OBI1: variants seen among roughly 807,000 people sequenced by gnomAD.
The protein encoded by OBI1 is ORC ubiquitin ligase 1, also known as ring finger protein 219.
OBI1 carries 59 observed loss-of-function variants against 62.4 expected under a neutral mutation model. The observed-to-expected ratio is 0.95, with a 90% CI of 0.77 to 1.17. The LOEUF (loss-of-function observed/expected upper bound fraction) is 1.17. OBI1 is among the 50% of genes most tolerant of loss of function. The probability of loss-of-function intolerance (pLI) is 0.00; values close to 1 mark genes in which losing one functional copy is unlikely to be tolerated. For synonymous variants in OBI1, 302 were observed against 292.8 expected (o/e 1.03, Z -0.32); for missense variants, 875 against 830.9 (o/e 1.05, Z -0.65).
intron 5 of OBI1, among the ~76,000 whole-genome samples, chr13:78,633,412 G>C (rs2137444879): frequency 6.6e-6 from 1 of 152,240 alleles, no homozygotes; most frequent in African/African-American, 2.4e-5. Context: ...GTTTTACCAA[G>C]GGCAACATTT....
At chr13:78,637,908 G>A (rs931624108) in intron 4 of OBI1, among the ~76,000 whole-genome samples, 1 of 152,122 alleles carries the variant, frequency 6.6e-6, no homozygotes, top group African/African-American at 2.4e-5. Context: ...TTAACCTGAG[G>A]ACCTGAGAGC....
intron 1 of OBI1, among the ~76,000 whole-genome samples, chr13:78,658,647 G>A (rs946768712): frequency 1.4e-4 from 22 of 152,210 alleles, no homozygotes; most frequent in Admixed American, 4.6e-4. Context: ...GAAGCCCGAG[G>A]TGAGGCTCCC....
At chr13:78,621,933 G>A (rs1365170953) in intron 5 of OBI1, among the ~76,000 whole-genome samples, 3 of 152,106 alleles carry the variant, frequency 2.0e-5, no homozygotes, top group Non-Finnish European at 4.4e-5. Context: ...TATATGAGAA[G>A]GGAAGCACTA....
chr13:78,632,177 G>A (rs1875871944), intron 5 of OBI1, among the ~76,000 whole-genome samples: 1 of 152,038 alleles, frequency 6.6e-6, no homozygotes. Context: ...GTCATTAGGT[G>A]TTCCTTTAAG....
intron 1 of OBI1, among the ~76,000 whole-genome samples, chr13:78,649,667 A>T (rs1390744109): frequency 6.6e-6 from 1 of 152,218 alleles, no homozygotes; most frequent in East Asian, 1.9e-4. Flanking sequence ...TTAGTGATGG[A>T]TGAAGAGTGA....
At chr13:78,659,148 GAAGTCCCGCCGACCTACCGCT>G in exon 1 of OBI1, 1 of 1,604,608 alleles carries the variant, frequency 6.2e-7, no homozygotes, top group Non-Finnish European at 8.5e-7. Flanking sequence ...CGCCAACACG[GAAGTCCCGCCGACCTACCGCT>G]ACTCTTCGCC....
intron 5 of OBI1, chr13:78,617,443 A>C (rs1875350083): frequency 8.9e-6 from 2 of 225,932 alleles, no homozygotes; most frequent in African/African-American, 4.6e-5. Context: ...TATATGCATG[A>C]AGAGTTATCC....
At chr13:78,635,242 A>G in intron 4 of OBI1, 44 bp from the exon 5 acceptor site, 1 of 1,206,682 alleles carries the variant, frequency 8.3e-7, no homozygotes, top group Non-Finnish European at 1.2e-6. Context: ...GCTACAATAA[A>G]AGTGACTTGT....
chr13:78,617,162 C>CT (rs1201743185), intron 5 of OBI1, 40 bp from the exon 6 acceptor site: 1 of 1,477,450 alleles, frequency 6.8e-7, no homozygotes, highest in Non-Finnish European at 9.1e-7. Flanking sequence ...ATAACTCAAG[C>CT]TTTTTTCTTT....
chr13:78,615,692 C>G lies in OBI1; in HGVS notation c.2069G>C (p.Trp690Ser), dbSNP rs2137420967. 5.0e-6 allele frequency: 8 copies of G among 1,613,820 alleles called. No homozygotes were observed. The highest frequency in any genetic ancestry group is 6.8e-6 in the Non-Finnish European group (8 of 1,179,886). Residue 690 changes from tryptophan (W) to serine (S), a missense_variant, in exon 6 of 6, where the codon TGG becomes TCG. Trp to Ser is a radical substitution (Grantham distance 177). Coordinates refer to ENST00000282003, the MANE Select transcript of OBI1 (RefSeq NM_024546.4). ...HSLHNHLQSP[W>S]STSFVPEKRN... The stretch of plus-strand genomic sequence containing the variant: ...CTTTTCAGGCACAAAGGAAGTAGAC[C>G]AAGGAGACTGAAGGTGGTTATGAAG...
At chr13:78,645,297 G>C (rs74097364) in intron 1 of OBI1, among the ~76,000 whole-genome samples, 1 of 151,920 alleles carries the variant, frequency 6.6e-6, no homozygotes, top group African/African-American at 2.4e-5. Context: ...TTCCACTAAG[G>C]CTGGGACAAT....
At chr13:78,638,573 A>T (rs1876098492) in intron 4 of OBI1, among the ~76,000 whole-genome samples, 1 of 152,220 alleles carries the variant, frequency 6.6e-6, no homozygotes, top group Non-Finnish European at 1.5e-5. Context: ...TTCTAGAAGA[A>T]GATGCAATCT....
chr13:78,615,417 C>T lies in OBI1; in HGVS notation c.*163G>A, dbSNP rs1313743828. 2.2e-6 allele frequency: 1 copy of T among 463,522 alleles called. No homozygotes were observed. Among genetic ancestry groups the T allele is most frequent in the Non-Finnish European group, 3.8e-6 (1 of 266,316 alleles). 28.7% of individuals were successfully genotyped at this position (463,522 alleles called of 1,614,324 possible). A position where few individuals can be genotyped will look rare whatever the true frequency, so the allele number is the denominator to read the frequency against. On this transcript the variant is annotated 3_prime_UTR_variant, in exon 6 of 6. Transcript: ENST00000282003. ...AAGAACAAAGTCTTTTCAAAATGAA[C>T]AATAAGTATTCTGGGTACAGGTTAA... is the stretch of plus-strand genomic sequence containing the variant.
At chr13:78,642,667 G>A (rs911880305) in intron 2 of OBI1, among the ~76,000 whole-genome samples, 1 of 152,124 alleles carries the variant, frequency 6.6e-6, no homozygotes, top group Non-Finnish European at 1.5e-5. Flanking sequence ...GGCGGATCAC[G>A]AGGCCAGGAG....
intron 5 of OBI1, among the ~76,000 whole-genome samples, chr13:78,632,249 C>A (rs1875875013): frequency 6.6e-6 from 1 of 152,104 alleles, no homozygotes. Flanking sequence ...AAGAAGGTAA[C>A]CATCTGCAAG....
At chr13:78,638,454 G>C (rs1186977119) in intron 4 of OBI1, among the ~76,000 whole-genome samples, 2 of 152,152 alleles carry the variant, frequency 1.3e-5, no homozygotes, top group African/African-American at 4.8e-5. Context: ...AAATGGTTAT[G>C]TGTTTGTTTT....
intron 2 of OBI1, among the ~76,000 whole-genome samples, chr13:78,643,769 C>G (rs562097957): frequency 1.3e-5 from 2 of 151,660 alleles, no homozygotes; most frequent in Non-Finnish European, 2.9e-5. Context: ...GCCTGGGTAA[C>G]AAGAGCGAAA....
At chr13:78,623,388 A>T (rs1257425571) in intron 5 of OBI1, among the ~76,000 whole-genome samples, 1 of 152,192 alleles carries the variant, frequency 6.6e-6, no homozygotes, top group Non-Finnish European at 1.5e-5. Context: ...TGACAAAAAG[A>T]AAAGCAGCTG....
intron 5 of OBI1, among the ~76,000 whole-genome samples, chr13:78,627,727 C>T (rs953161563): frequency 1.3e-5 from 2 of 152,184 alleles, no homozygotes; most frequent in African/African-American, 2.4e-5. Context: ...AATAGTTCTG[C>T]AATAAACATA....
Sources: gnomAD v4.1 joint callset for allele counts (sites outside exome capture counted in the v4.1 genomes callset) on GRCh38, gnomAD v4.1.1 for gene constraint, MANE v1.5 for transcripts, NCBI Gene and HGNC (gene_info 2026-07-23, HGNC 2026-07-21) for gene names.